GPBP1: variants seen among roughly 807,000 people sequenced by gnomAD.
GPBP1 encodes vasculin.
Under a neutral mutation model 56.5 loss-of-function variants are expected in GPBP1, and 13 were observed. The ratio of observed to expected loss-of-function variants is 0.23; its 90% CI spans 0.15 to 0.37. The LOEUF (loss-of-function observed/expected upper bound fraction) is 0.37. Among genes scored for constraint, GPBP1 ranks in the 10% least tolerant of loss-of-function variants. The pLI is 1.00. For missense variants in GPBP1, 477 were observed against 572.3 expected (o/e 0.83, Z 1.70); for synonymous variants, 204 against 188.9 (o/e 1.08, Z -0.66).
At chr5:57,222,470 A>C (rs1014034012) in intron 3 of GPBP1, among the ~76,000 whole-genome samples, 1 of 152,198 alleles carries the variant, frequency 6.6e-6, no homozygotes, top group Non-Finnish European at 1.5e-5. Flanking sequence ...ACTTTTATGC[A>C]TACACCAGAA....
At chr5:57,180,840 C>G (rs1309903517) in intron 2 of GPBP1, among the ~76,000 whole-genome samples, 5 of 152,070 alleles carry the variant, frequency 3.3e-5, no homozygotes, top group African/African-American at 1.2e-4. Flanking sequence ...CTCCCAGGTC[C>G]AAGCGATTTT....
intron 2 of GPBP1, among the ~76,000 whole-genome samples, chr5:57,199,691 C>T (rs886836807): frequency 7.9e-5 from 12 of 152,242 alleles, no homozygotes; most frequent in African/African-American, 2.9e-4. Flanking sequence ...CTGTCCCTCC[C>T]CCTGAGATTT....
Position 57,183,199 on chromosome 5 carries a change from C to CT in GPBP1, c.-58+6800dup, listed in dbSNP as rs529556288. On this transcript the variant is annotated intron_variant, in intron 2 of 11. Transcript: ENST00000506184. ...TGACCAACATGGCGAAACCCCGTCT[C>CT]TAATAAAAATACAAAAAATTAGCTG... is the stretch of plus-strand genomic sequence containing the variant. 4.4e-3 allele frequency among the ~76,000 whole-genome samples: 665 copies of CT among 152,032 alleles called. 4 individuals carry two copies. Among genetic ancestry groups the CT allele is most frequent in the African/African-American group, 0.015 (613 of 41,442 alleles).
chr5:57,184,295 G>A (rs1754191290), intron 2 of GPBP1, among the ~76,000 whole-genome samples: 2 of 152,084 alleles, frequency 1.3e-5, no homozygotes, highest in Non-Finnish European at 2.9e-5. Context: ...CTGTTTTTGT[G>A]TTGCTTTGAA....
intron 2 of GPBP1, 67 bp from the exon 3 acceptor site, chr5:57,214,007 G>T (rs1755602915): frequency 1.4e-6 from 1 of 706,014 alleles, no homozygotes; most frequent in South Asian, 1.6e-5. Flanking sequence ...TAAGATCATT[G>T]TAATATAAAG....
intron 2 of GPBP1, among the ~76,000 whole-genome samples, chr5:57,195,312 TG>T (rs984355612): frequency 1.3e-5 from 2 of 152,120 alleles, no homozygotes; most frequent in African/African-American, 4.8e-5. Context: ...CATGACATCA[TG>T]CCTGGCTAAT....
Position 57,237,051 on chromosome 5 carries a change from A to G in GPBP1, c.478+1019A>G, listed in dbSNP as rs901445395. The G allele has an allele frequency of 5.9e-6, 7 of 1,178,936 alleles. No homozygotes were observed. In the African/African-American group the frequency reaches 7.7e-5, roughly 13 times the overall value. 73.0% of individuals were successfully genotyped at this position (1,178,936 alleles called of 1,614,324 possible). On this transcript the variant is annotated intron_variant, in intron 6 of 11. Coordinates refer to ENST00000506184, the MANE Select transcript of GPBP1 (RefSeq NM_022913.4). The stretch of plus-strand genomic sequence containing the variant: ...GGGGGTGGTCAGACACTTTTGTTAG[A>G]ACCATGTGAATGGCATTGTTTTTTC...
At chr5:57,228,333 T>A (rs1198154294) in intron 3 of GPBP1, among the ~76,000 whole-genome samples, 3 of 152,056 alleles carry the variant, frequency 2.0e-5, no homozygotes, top group African/African-American at 2.4e-5. Context: ...TGGCCACCTG[T>A]AGTCCCAGCT....
At chr5:57,255,471 T>G (rs987034097) in intron 10 of GPBP1, among the ~76,000 whole-genome samples, 9 of 152,188 alleles carry the variant, frequency 5.9e-5, no homozygotes, top group African/African-American at 2.2e-4. Flanking sequence ...ATATTTCTAG[T>G]CACACAATTG....
At chr5:57,256,787 CT>C (rs1741682603) in intron 10 of GPBP1, among the ~76,000 whole-genome samples, 1 of 152,052 alleles carries the variant, frequency 6.6e-6, no homozygotes. Flanking sequence ...TTTGAGTTTC[CT>C]TGACTGTTTA....
chr5:57,255,999 A>G (rs867591471), intron 10 of GPBP1, among the ~76,000 whole-genome samples: 3 of 152,246 alleles, frequency 2.0e-5, no homozygotes, highest in African/African-American at 4.8e-5. Context: ...ACTCACGCCT[A>G]TAATCCCAGC....
intron 2 of GPBP1, among the ~76,000 whole-genome samples, chr5:57,197,471 C>T (rs1754817997): frequency 6.9e-6 from 1 of 145,424 alleles, no homozygotes; most frequent in Admixed American, 6.8e-5. Context: ...AGTTCTCCTG[C>T]CTCAGCCTCC....
chr5:57,247,498 C>T (rs1399132021), intron 8 of GPBP1, among the ~76,000 whole-genome samples: 5 of 152,006 alleles, frequency 3.3e-5, no homozygotes, highest in Middle Eastern at 3.4e-3. Flanking sequence ...AGACCAGCCT[C>T]GGCAATATGG....
intron 2 of GPBP1, among the ~76,000 whole-genome samples, chr5:57,177,107 A>G (rs1336599873): frequency 6.6e-6 from 1 of 152,238 alleles, no homozygotes; most frequent in Non-Finnish European, 1.5e-5. Flanking sequence ...ATAACTTAAG[A>G]AAATATGAGT....
chr5:57,188,288 T>C (rs1754378462), intron 2 of GPBP1, among the ~76,000 whole-genome samples: 1 of 151,916 alleles, frequency 6.6e-6, no homozygotes, highest in Admixed American at 6.6e-5. Flanking sequence ...ACTCTTGGGA[T>C]AATACTTGTG....
intron 10 of GPBP1, among the ~76,000 whole-genome samples, chr5:57,258,550 A>G (rs571752619): frequency 3.3e-5 from 5 of 152,376 alleles, no homozygotes; most frequent in Admixed American, 6.5e-5. Context: ...TCATGGGATT[A>G]TGCATCATAT....
intron 2 of GPBP1, among the ~76,000 whole-genome samples, chr5:57,202,674 T>C (rs1431132379): frequency 1.3e-5 from 2 of 152,208 alleles, no homozygotes; most frequent in Admixed American, 1.3e-4. Flanking sequence ...AAAAAATTGC[T>C]TGTCTACACT....
intron 2 of GPBP1, among the ~76,000 whole-genome samples, chr5:57,192,375 C>CT (rs1288891767): frequency 6.6e-6 from 1 of 152,140 alleles, no homozygotes; most frequent in Non-Finnish European, 1.5e-5. Context: ...AATTGCTCAT[C>CT]TTTTACCTGT....
chr5:57,213,321 GATGACAGGC>G (rs1216380604), intron 2 of GPBP1, among the ~76,000 whole-genome samples: 16 of 152,184 alleles, frequency 1.1e-4, no homozygotes, highest in Admixed American at 2.6e-4. Context: ...AAAGTGCTGG[GATGACAGGC>G]ATGAGCCACT....
Sources: allele counts gnomAD v4.1 joint callset (sites outside exome capture counted in the v4.1 genomes callset), GRCh38; gene constraint gnomAD v4.1.1; transcripts MANE v1.5; gene names NCBI Gene and HGNC (gene_info 2026-07-23, HGNC 2026-07-21).